The following BACH1 variants were observed in gnomAD, a reference collection of about 807,000 sequenced individuals.
BACH1 encodes the protein transcription regulator protein BACH1.
A neutral mutation model predicts 52.9 loss-of-function variants in BACH1; 35 were observed. The observed-to-expected ratio is 0.66, with a 90% CI of 0.51 to 0.88. The LOEUF (loss-of-function observed/expected upper bound fraction) is 0.88. Among genes scored for constraint, BACH1 ranks in the 40% least tolerant of loss-of-function variants. BACH1 has a pLI of 0.00. For missense variants in BACH1, 808 were observed against 872.6 expected, an observed-to-expected ratio of 0.93 and a Z score of 0.93; for synonymous variants, 321 against 319.6, an observed-to-expected ratio of 1.00 and a Z score of -0.05.
At chr21:29,306,693 G>T (rs931334540) in intron 1 of BACH1, among the ~76,000 whole-genome samples, 1 of 152,164 alleles carries the variant, frequency 6.6e-6, no homozygotes, top group African/African-American at 2.4e-5. Flanking sequence ...TTGTCTACTA[G>T]TTCTGCCACC....
intron 4 of BACH1, among the ~76,000 whole-genome samples, chr21:29,340,893 G>A (rs927729579): frequency 2.0e-5 from 3 of 149,744 alleles, no homozygotes; most frequent in African/African-American, 7.4e-5. Flanking sequence ...CTTTGCATAA[G>A]AGAAAATGTA....
chr21:29,318,768 T>C (rs8132252), intron 1 of BACH1, among the ~76,000 whole-genome samples: 7,239 of 152,236 alleles, frequency 0.048, 509 homozygotes, highest in African/African-American at 0.16. Flanking sequence ...ACCTTGAGAT[T>C]CAAAGAACCT....
chr21:29,342,917 C>G lies in BACH1; in HGVS notation c.*84C>G. 7.6e-7 allele frequency: 1 copy of G among 1,310,564 alleles called. No homozygotes were observed. Among genetic ancestry groups the G allele is most frequent in the South Asian group, 1.6e-5 (1 of 63,726 alleles). The allele number at this position is 1,310,564 out of a possible 1,614,324, so 81.2% of individuals were successfully genotyped here. A position where few individuals can be genotyped will look rare whatever the true frequency, so the allele number is the denominator to read the frequency against. ...GAAAGCCTAATATGACCATCTGTTG[C>G]TCAACAATACTGTTTTTTTCCTTTA... is the stretch of plus-strand genomic sequence containing the variant. On this transcript the variant is annotated 3_prime_UTR_variant, in exon 5 of 5. Coordinates refer to ENST00000286800, the MANE Select transcript of BACH1 (RefSeq NM_001186.4).
In BACH1 at chr21:29,326,532, T is replaced by C; in HGVS notation, c.708T>C (p.Thr236=). ...KYRKFQKAFG[T]DRVRTGESSV... Reference sequence around the variant, plus strand: ...GAAAATTCCAAAAAGCATTTGGAACTGACAGAGTCCGTACTGGGGAATCTA... The same window carrying C: ...GAAAATTCCAAAAAGCATTTGGAACCGACAGAGTCCGTACTGGGGAATCTA... Residue 236 remains threonine, a synonymous_variant, in exon 3 of 5, where the codon ACT becomes ACC. Coordinates refer to ENST00000286800, the MANE Select transcript of BACH1 (RefSeq NM_001186.4). 6.2e-7 allele frequency: 1 copy of C among 1,614,242 alleles called. No homozygotes were observed. Among genetic ancestry groups the C allele is most frequent in the Non-Finnish European group, 8.5e-7 (1 of 1,180,038 alleles).
chr21:29,301,790 G>GT (rs1194111379), intron 1 of BACH1, among the ~76,000 whole-genome samples: 4 of 151,806 alleles, frequency 2.6e-5, no homozygotes, highest in Admixed American at 6.6e-5. Flanking sequence ...TTTTTTGTTT[G>GT]TTTTTTGCCA....
At chr21:29,346,718 T>A (rs907211100), downstream of BACH1, among the ~76,000 whole-genome samples, 1 of 152,214 alleles carries the variant, frequency 6.6e-6, no homozygotes, top group African/African-American at 2.4e-5. Flanking sequence ...AAACCCTGAC[T>A]AGACCAACGA....
At chr21:29,318,930 A>G (rs1601348327) in intron 1 of BACH1, among the ~76,000 whole-genome samples, 1 of 152,122 alleles carries the variant, frequency 6.6e-6, no homozygotes. Context: ...GTGAATCTCC[A>G]TACTGTGCGT....
chr21:29,311,694 C>T (rs1241411748), intron 1 of BACH1, among the ~76,000 whole-genome samples: 1 of 152,124 alleles, frequency 6.6e-6, no homozygotes, highest in African/African-American at 2.4e-5. Flanking sequence ...TGTTGATCAC[C>T]TCTGCAACTC....
At position 29,345,816 on chromosome 21, in the gene BACH1, A is replaced by T. The variant is rs2089163224; in HGVS notation, c.*2983A>T. 6.6e-6 allele frequency: 1 copy of T among 152,648 alleles called. No individual in the cohort carries two copies. The highest frequency in any genetic ancestry group is 1.9e-4 in the East Asian group (1 of 5,200). 9.5% of individuals were successfully genotyped at this position (152,648 alleles called of 1,614,324 possible). A position where few individuals can be genotyped will look rare whatever the true frequency, so the allele number is the denominator to read the frequency against. The stretch of plus-strand genomic sequence containing the variant: ...TGTAAATATTTTAAATGTTTTATTA[A>T]GGCATGTAATAAACTATTCTTTGAA... On this transcript the variant is annotated 3_prime_UTR_variant, in exon 5 of 5. Transcript: ENST00000286800.
intron 2 of BACH1, among the ~76,000 whole-genome samples, chr21:29,358,289 C>T (rs1163354176): frequency 6.6e-6 from 1 of 152,142 alleles, no homozygotes; most frequent in Non-Finnish European, 1.5e-5. Flanking sequence ...ATAAAAAGAA[C>T]ACCAAACTAC....
intron 1 of BACH1, among the ~76,000 whole-genome samples, chr21:29,311,942 G>A (rs1385163966): frequency 6.6e-6 from 1 of 152,228 alleles, no homozygotes; most frequent in Non-Finnish European, 1.5e-5. Flanking sequence ...GAGATGTAAA[G>A]TGACATGCTT....
intron 4 of BACH1, among the ~76,000 whole-genome samples, chr21:29,332,142 G>A (rs1259499079): frequency 6.6e-6 from 1 of 152,128 alleles, no homozygotes; most frequent in Non-Finnish European, 1.5e-5. Context: ...CACCGTGTTA[G>A]CCAGGATGGT....
At chr21:29,360,860 A>C (rs1012684363) in intron 2 of BACH1, among the ~76,000 whole-genome samples, 2 of 151,090 alleles carry the variant, frequency 1.3e-5, no homozygotes, top group African/African-American at 2.4e-5. Context: ...AAAAAAAAAA[A>C]ACAAAAAAAA....
intron 4 of BACH1, among the ~76,000 whole-genome samples, chr21:29,331,455 G>A (rs2088981490): frequency 6.6e-6 from 1 of 152,168 alleles, no homozygotes; most frequent in Non-Finnish European, 1.5e-5. Context: ...TTTGAGAGTA[G>A]CTATTATCCT....
chr21:29,302,918 G>A (rs1228934581), intron 1 of BACH1, among the ~76,000 whole-genome samples: 4 of 152,186 alleles, frequency 2.6e-5, no homozygotes, highest in Non-Finnish European at 5.9e-5. Context: ...CAGTCTCAGC[G>A]GAGTGCTTGA....
intron 2 of BACH1, among the ~76,000 whole-genome samples, chr21:29,323,080 A>G (rs1312254): frequency 0.73 from 110,868 of 152,086 alleles, 41,942 homozygotes; most frequent in African/African-American, 0.93. Context: ...TATAGTGACA[A>G]TGTCAAAATA....
chr21:29,360,698 AC>A (rs1569029441), intron 2 of BACH1, among the ~76,000 whole-genome samples: 5 of 151,874 alleles, frequency 3.3e-5, no homozygotes. Context: ...TACAAAAATT[AC>A]CCAGGTGTGG....
chr21:29,340,161 T>C (rs540154975), intron 4 of BACH1, among the ~76,000 whole-genome samples: 116 of 152,370 alleles, frequency 7.6e-4, no homozygotes, highest in African/African-American at 2.6e-3. Context: ...TAAATACTGA[T>C]GTCATTAAGT....
chr21:29,307,183 A>G (rs997115231), intron 1 of BACH1, among the ~76,000 whole-genome samples: 1 of 152,360 alleles, frequency 6.6e-6, no homozygotes, highest in East Asian at 1.9e-4. Context: ...AATCAGGAGT[A>G]CAAACAGGAA....
Sources: allele counts gnomAD v4.1 joint callset (sites outside exome capture counted in the v4.1 genomes callset), GRCh38; gene constraint gnomAD v4.1.1; transcripts MANE v1.5; gene names NCBI Gene and HGNC (gene_info 2026-07-23, HGNC 2026-07-21).